The following DYNC2H1 variants were observed in gnomAD, a reference collection of about 807,000 sequenced individuals.
DYNC2H1 encodes the protein cytoplasmic dynein 2 heavy chain 1.
A neutral mutation model predicts 570.0 loss-of-function variants in DYNC2H1; 410 were observed. That is an observed-to-expected ratio of 0.72 (90% CI 0.66 to 0.78). The LOEUF (loss-of-function observed/expected upper bound fraction) is 0.78, where lower values mean the gene tolerates loss of function less well. Among genes scored for constraint, DYNC2H1 ranks in the 30% least tolerant of loss-of-function variants. The pLI is 0.00. For missense variants in DYNC2H1, 4,865 were observed against 5,046.4 expected (o/e 0.96, Z 1.09); for synonymous variants, 1,688 against 1,677.6 (o/e 1.01, Z -0.15).
Position 103,334,489 on chromosome 11 carries a change from G to T in DYNC2H1, c.12039+10499G>T, listed in dbSNP as rs1323607183. ...TTTCATTCTAACAATTCCATGTAAT[G>T]AAGTTTTTTTTAATTACAAAAACCA... On this transcript the variant is annotated intron_variant, in intron 82 of 88. Transcript: ENST00000375735. The surrounding 1 kb of genome is among the most constrained non-coding windows in gnomAD (Gnocchi z 4.3). Among the ~76,000 whole-genome samples, 1 of 151,198 alleles carries T rather than the reference G, an allele frequency of 6.6e-6. No homozygotes were observed. Among genetic ancestry groups the T allele is most frequent in the Non-Finnish European group, 1.5e-5 (1 of 67,944 alleles).
intron 84 of DYNC2H1, among the ~76,000 whole-genome samples, chr11:103,423,324 A>G (rs1030113864): frequency 2.0e-5 from 3 of 151,626 alleles, no homozygotes; most frequent in African/African-American, 2.4e-5. Flanking sequence ...ATTTTCACCA[A>G]TAGGCTAAGG....
chr11:103,263,766 T>C (rs2135284948), intron 70 of DYNC2H1, among the ~76,000 whole-genome samples: 1 of 150,960 alleles, frequency 6.6e-6, no homozygotes, highest in South Asian at 2.1e-4. Flanking sequence ...GTAGGAAAGA[T>C]CTAAAATCAA....
intron 17 of DYNC2H1, among the ~76,000 whole-genome samples, chr11:103,136,995 CA>C (rs1434199112): frequency 6.6e-6 from 1 of 151,140 alleles, no homozygotes; most frequent in Admixed American, 6.6e-5. Context: ...AGCATTTTTT[CA>C]TGTGTTTTTT....
Position 103,151,740 on chromosome 11 carries a change from T to C in DYNC2H1, c.2947-396T>C, listed in dbSNP as rs1195093846. ...TAAGTCGGATAATTTAGTTAACTTA[T>C]GCTCTTAGATAATCACTAATTTTAG... On this transcript the variant is annotated intron_variant, in intron 20 of 88. Coordinates refer to ENST00000375735, the MANE Select transcript of DYNC2H1 (RefSeq NM_001377.3). The surrounding 1 kb of genome is among the most constrained non-coding windows in gnomAD (Gnocchi z 4.6). 2.0e-5 allele frequency among the ~76,000 whole-genome samples: 3 copies of C among 152,196 alleles called. No individual in the cohort carries two copies. The highest frequency in any genetic ancestry group is 2.0e-4 in the Admixed American group (3 of 15,262).
Position 103,228,369 on chromosome 11 carries a change from T to A in DYNC2H1, c.9354-2891T>A, listed in dbSNP as rs1863876994. Among the ~76,000 whole-genome samples the A allele has an allele frequency of 6.6e-6, 1 of 152,194 alleles. No individual in the cohort carries two copies. The highest frequency in any genetic ancestry group is 2.4e-5 in the African/African-American group (1 of 41,450). ...GTGCAGCTGATCAGATTCTTTTGTC[T>A]CATGGGGCGCTCCCTTGCTGTGATG... On this transcript the variant is annotated intron_variant, in intron 59 of 88. Transcript: ENST00000375735. The surrounding 1 kb of genome is among the most constrained non-coding windows in gnomAD (Gnocchi z 6.1).
At position 103,163,153 on chromosome 11, in the gene DYNC2H1, G is replaced by A. The variant is rs1861166387; in HGVS notation, c.4611+6G>A. 6.2e-7 allele frequency: 1 copy of A among 1,606,834 alleles called. No homozygotes were observed. ...CATCTCTGTTCCCTTCACAGGTAAG[G>A]GGGCTTACGTGTAGAAGCTACATAG... On this transcript the variant is annotated splice_donor_region_variant and intron_variant, in intron 30 of 88. Coordinates refer to ENST00000375735, the MANE Select transcript of DYNC2H1 (RefSeq NM_001377.3). This position sits in a 1 kb window ranked among gnomAD's most constrained non-coding sequence, Gnocchi z 4.6.
rs951542653 is a variant in DYNC2H1, at chr11:103,137,290, A to C, written c.2574+1342A>C. 3.3e-3 allele frequency among the ~76,000 whole-genome samples: 479 copies of C among 144,832 alleles called. 2 individuals are homozygous for C. The highest frequency in any genetic ancestry group is 0.011 in the African/African-American group (433 of 39,524). ...CATTGCTTTTGGTGTTTTAGACATGAAGTCGTTGCCCATGCCTATGTCCTG... is the reference window on the plus strand; with the variant it reads ...CATTGCTTTTGGTGTTTTAGACATGCAGTCGTTGCCCATGCCTATGTCCTG... On this transcript the variant is annotated intron_variant, in intron 17 of 88. Transcript: ENST00000375735.
rs80125861 is a variant in DYNC2H1, at chr11:103,464,460, T to C, written c.12649-4129T>C. On this transcript the variant is annotated intron_variant, in intron 87 of 88. Coordinates refer to ENST00000375735, the MANE Select transcript of DYNC2H1 (RefSeq NM_001377.3). ...GAGAAGAGAAATTTGAAAAACTAATTCAGGAATTTTCCAGAATTGGAGAAT... is the reference window on the plus strand; with the variant it reads ...GAGAAGAGAAATTTGAAAAACTAATCCAGGAATTTTCCAGAATTGGAGAAT... Among the ~76,000 whole-genome samples, 739 of 152,180 alleles carry C rather than the reference T, an allele frequency of 4.9e-3. 3 individuals are homozygous for C. Among genetic ancestry groups the C allele is most frequent in the African/African-American group, 0.017 (707 of 41,520 alleles).
chr11:103,110,748 C>T (rs113928320), intron 1 of DYNC2H1, among the ~76,000 whole-genome samples: 1 of 151,838 alleles, frequency 6.6e-6, no homozygotes, highest in African/African-American at 2.4e-5. Flanking sequence ...ATATTTTAAA[C>T]CTCTTCCTTT....
intron 84 of DYNC2H1, among the ~76,000 whole-genome samples, chr11:103,401,034 C>T (rs998948153): frequency 6.6e-6 from 1 of 152,064 alleles, no homozygotes; most frequent in Non-Finnish European, 1.5e-5. Flanking sequence ...ATTCTTGGCA[C>T]AGTGAAGGAA....
At chr11:103,476,782 G>T (rs1187253413) in intron 88 of DYNC2H1, among the ~76,000 whole-genome samples, 1 of 151,990 alleles carries the variant, frequency 6.6e-6, no homozygotes, top group Non-Finnish European at 1.5e-5. Flanking sequence ...AGAGGAGCAG[G>T]ATTGGAAAAG....
rs1472827723 is a variant in DYNC2H1 at position 103,354,172 on chromosome 11, G to T, written c.12040-4071G>T. ...AGCCTGGGTGACAGAGCCAGGCTCT[G>T]TCTCAAAACAAAAAAAAAAAAAAAA... On this transcript the variant is annotated intron_variant, in intron 82 of 88. Coordinates refer to ENST00000375735, the MANE Select transcript of DYNC2H1 (RefSeq NM_001377.3). 1.7e-4 allele frequency among the ~76,000 whole-genome samples: 19 copies of T among 114,764 alleles called. No individual in the cohort carries two copies. The East Asian group carries it at 4.5e-3, about 27-fold the overall frequency. 75.3% of individuals were successfully genotyped at this position (114,764 alleles called of 152,430 possible). A position where few individuals can be genotyped will look rare whatever the true frequency, so the allele number is the denominator to read the frequency against.
chr11:103,160,725 G>A (rs1217031014), intron 28 of DYNC2H1, among the ~76,000 whole-genome samples: 3 of 151,974 alleles, frequency 2.0e-5, no homozygotes, highest in Non-Finnish European at 2.9e-5. Flanking sequence ...TATTTCAGAT[G>A]AGTGATAAGA....
At chr11:103,168,006 A>AT (rs1450089609) in intron 31 of DYNC2H1, among the ~76,000 whole-genome samples, 1 of 152,074 alleles carries the variant, frequency 6.6e-6, no homozygotes, top group Non-Finnish European at 1.5e-5. Flanking sequence ...TTATGGGGTT[A>AT]TTTTTTCAAT....
In DYNC2H1 at chr11:103,215,831, C is replaced by A. The variant is rs1212695995; in HGVS notation, c.8805C>A (p.Ala2935=). 2 of 1,612,308 alleles carry A rather than the reference C, an allele frequency of 1.2e-6. No homozygotes were observed. Among genetic ancestry groups the A allele is most frequent in the South Asian group, 2.2e-5 (2 of 90,820 alleles). Residue 2935 remains alanine, a synonymous_variant, in exon 55 of 89, where the codon GCC becomes GCA. Coordinates refer to ENST00000375735, the MANE Select transcript of DYNC2H1 (RefSeq NM_001377.3). ...CGAAGCAAGATGAAGCAGATGCTGC[C>A]CTTCAAATGATCACAGTGTCAATGC... ...LKTKQDEADA[A]LQMITVSMQD...
At position 103,222,225 on chromosome 11, in the gene DYNC2H1, T is replaced by G. The variant is rs1277599162; in HGVS notation, c.9231+72T>G. 3 of 1,062,134 alleles carry G rather than the reference T, an allele frequency of 2.8e-6. No homozygotes were observed. In the African/African-American group the frequency reaches 4.9e-5, roughly 17 times the overall value. The allele number at this position is 1,062,134 out of a possible 1,614,324, so 65.8% of individuals were successfully genotyped here. On this transcript the variant is annotated intron_variant, in intron 58 of 88. Coordinates refer to ENST00000375735, the MANE Select transcript of DYNC2H1 (RefSeq NM_001377.3). ...TATTCTGCTTTTTAAAATGTGGTGC[T>G]TTGTCATTGCCAACTGTTTAGATCA...
chr11:103,331,243 G>C (rs920813296), intron 82 of DYNC2H1, among the ~76,000 whole-genome samples: 4 of 152,174 alleles, frequency 2.6e-5, no homozygotes, highest in African/African-American at 9.7e-5. Flanking sequence ...GCCAAGTGTA[G>C]GCTGCTAGCC....
At chr11:103,207,153 T>G (rs1862960437) in intron 52 of DYNC2H1, among the ~76,000 whole-genome samples, 2 of 151,718 alleles carry the variant, frequency 1.3e-5, no homozygotes, top group African/African-American at 4.8e-5. Context: ...GCTCCTGACC[T>G]CAATTGATCC....
Position 103,203,620 on chromosome 11 carries a change from C to T in DYNC2H1, c.8198-43C>T, listed in dbSNP as rs631712. On this transcript the variant is annotated intron_variant, in intron 50 of 88. Transcript: ENST00000375735. The surrounding 1 kb of genome is among the most constrained non-coding windows in gnomAD (Gnocchi z 4.7). ...TTAAATACAAAAATTGAAAAAGCAT[C>T]ATTTATTAAAATGTTTTCAATTAGT... 0.92 allele frequency: 1,182,216 copies of T among 1,280,108 alleles called. 546,449 individuals are homozygous for T. Among genetic ancestry groups the T allele is most frequent in the Admixed American group, 0.95 (39,838 of 42,020 alleles). 79.3% of individuals were successfully genotyped at this position (1,280,108 alleles called of 1,614,324 possible).
Sources: gnomAD v4.1 joint callset for allele counts (sites outside exome capture counted in the v4.1 genomes callset) on GRCh38, gnomAD v4.1.1 for gene constraint, Gnocchi (gnomAD v3.1) non-coding constraint, MANE v1.5 for transcripts, NCBI Gene and HGNC (gene_info 2026-07-23, HGNC 2026-07-21) for gene names.